The following CHSY3 variants were observed in gnomAD, a reference collection of about 807,000 sequenced individuals.
CHSY3 encodes the protein chondroitin sulfate synthase 3.
Under a neutral mutation model 67.2 loss-of-function variants are expected in CHSY3, and 35 were observed. That is an observed-to-expected ratio of 0.52 (90% CI 0.40 to 0.69). CHSY3 has a LOEUF of 0.69. CHSY3 is among the 30% of genes least tolerant of loss of function. CHSY3 has a pLI of 0.00. For synonymous variants in CHSY3, 474 were observed against 434.7 expected, an observed-to-expected ratio of 1.09 and a Z score of -1.12; for missense variants, 1,069 against 1,138.5, an observed-to-expected ratio of 0.94 and a Z score of 0.88.
chr5:130,078,560 TAGATATTC>T (rs1766344790), intron 2 of CHSY3, among the ~76,000 whole-genome samples: 1 of 152,182 alleles, frequency 6.6e-6, no homozygotes, highest in Non-Finnish European at 1.5e-5. Context: ...ATTTTTTTAT[TAGATATTC>T]AAAACCCTCA....
chr5:130,149,523 A>C (rs983911043), intron 2 of CHSY3, among the ~76,000 whole-genome samples: 2 of 152,208 alleles, frequency 1.3e-5, no homozygotes, highest in Non-Finnish European at 2.9e-5. Flanking sequence ...CAAAGACAGC[A>C]CCAAGCCATA....
chr5:130,163,269 CAT>C (rs1277304241), intron 2 of CHSY3, among the ~76,000 whole-genome samples: 1 of 151,974 alleles, frequency 6.6e-6, no homozygotes, highest in Non-Finnish European at 1.5e-5. Flanking sequence ...TGAAATGAAA[CAT>C]ATTTTATTAA....
At chr5:129,920,613 G>T (rs966469682) in intron 2 of CHSY3, among the ~76,000 whole-genome samples, 3 of 152,138 alleles carry the variant, frequency 2.0e-5, no homozygotes, top group African/African-American at 7.2e-5. Flanking sequence ...GTTACCATCA[G>T]TTGGAACACA....
At chr5:130,167,185 AC>A (rs947156370) in intron 2 of CHSY3, among the ~76,000 whole-genome samples, 1 of 152,012 alleles carries the variant, frequency 6.6e-6, no homozygotes, top group African/African-American at 2.4e-5. Context: ...AGTGATTACT[AC>A]CTGGAGAGTT....
chr5:129,974,578 G>C (rs1412884251), intron 2 of CHSY3, among the ~76,000 whole-genome samples: 1 of 152,074 alleles, frequency 6.6e-6, no homozygotes, highest in East Asian at 1.9e-4. Context: ...GTTCCTCAAG[G>C]CTGTCAAGTG....
chr5:130,159,442 G>A (rs889831124), intron 2 of CHSY3, among the ~76,000 whole-genome samples: 1 of 152,116 alleles, frequency 6.6e-6, no homozygotes. Flanking sequence ...TGGGATTACA[G>A]GCTTGAGCCA....
At chr5:129,923,182 G>C (rs546973822) in intron 2 of CHSY3, among the ~76,000 whole-genome samples, 3 of 151,992 alleles carry the variant, frequency 2.0e-5, no homozygotes, top group African/African-American at 4.8e-5. Context: ...ACTAGTGATT[G>C]ATTAGAGATG....
At chr5:129,973,008 G>A (rs1195322865) in intron 2 of CHSY3, among the ~76,000 whole-genome samples, 1 of 151,922 alleles carries the variant, frequency 6.6e-6, no homozygotes, top group South Asian at 2.1e-4. Context: ...TGAGTTTTAT[G>A]CCTTGTGTTG....
chr5:129,963,599 T>G (rs1246230404), intron 2 of CHSY3, among the ~76,000 whole-genome samples: 1 of 152,042 alleles, frequency 6.6e-6, no homozygotes, highest in African/African-American at 2.4e-5. Flanking sequence ...ATTCAGCAGT[T>G]AAATCGACCT....
At chr5:129,913,266 T>C (rs1247947280) in intron 2 of CHSY3, among the ~76,000 whole-genome samples, 2 of 152,260 alleles carry the variant, frequency 1.3e-5, no homozygotes, top group Non-Finnish European at 2.9e-5. Context: ...CTGGCTTACA[T>C]AGGCATAAAA....
intron 2 of CHSY3, among the ~76,000 whole-genome samples, chr5:129,931,661 T>A (rs1425744711): frequency 6.6e-6 from 1 of 152,196 alleles, no homozygotes; most frequent in Non-Finnish European, 1.5e-5. Flanking sequence ...TGTTAGGGTC[T>A]CATACTTTTT....
intron 2 of CHSY3, among the ~76,000 whole-genome samples, chr5:129,984,449 T>C (rs1397008307): frequency 6.6e-6 from 1 of 152,140 alleles, no homozygotes; most frequent in Non-Finnish European, 1.5e-5. Flanking sequence ...TATAGGTTGA[T>C]TCCACATCTT....
At chr5:130,176,372 G>A (rs542175248) in intron 2 of CHSY3, among the ~76,000 whole-genome samples, 21 of 152,162 alleles carry the variant, frequency 1.4e-4, no homozygotes, top group Non-Finnish European at 2.8e-4. Context: ...GAGAGGATGT[G>A]GAGAAATAAG....
chr5:130,096,514 C>T (rs1375610212), intron 2 of CHSY3, among the ~76,000 whole-genome samples: 1 of 152,100 alleles, frequency 6.6e-6, no homozygotes, highest in Admixed American at 6.5e-5. Flanking sequence ...GATAAATCTT[C>T]CATGGTTATG....
At chr5:129,930,378 T>C (rs1393097800) in intron 2 of CHSY3, among the ~76,000 whole-genome samples, 1 of 149,878 alleles carries the variant, frequency 6.7e-6, no homozygotes, top group African/African-American at 2.5e-5. Context: ...CACATAACCA[T>C]TTTTCTTGAA....
chr5:130,060,166 A>G (rs1285401314), intron 2 of CHSY3, among the ~76,000 whole-genome samples: 3 of 152,198 alleles, frequency 2.0e-5, no homozygotes, highest in Non-Finnish European at 4.4e-5. Flanking sequence ...CAAATCCTTA[A>G]GAAAATACTA....
chr5:130,041,268 C>A (rs1273478094), intron 2 of CHSY3, among the ~76,000 whole-genome samples: 9 of 152,098 alleles, frequency 5.9e-5, no homozygotes, highest in Admixed American at 5.9e-4. Flanking sequence ...GCATCCATTT[C>A]TCCCCAAGCA....
intron 2 of CHSY3, among the ~76,000 whole-genome samples, chr5:130,164,071 G>A (rs1459186256): frequency 6.6e-6 from 1 of 152,294 alleles, no homozygotes; most frequent in South Asian, 2.1e-4. Flanking sequence ...AAGCAGAACT[G>A]CCGTGATTGA....
chr5:130,043,170 A>G (rs1707194864), intron 2 of CHSY3, among the ~76,000 whole-genome samples: 1 of 151,974 alleles, frequency 6.6e-6, no homozygotes, highest in Non-Finnish European at 1.5e-5. Flanking sequence ...CAAGTTAGAG[A>G]TTACTTTTGT....
Sources: gnomAD v4.1 joint callset for allele counts (sites outside exome capture counted in the v4.1 genomes callset) on GRCh38, gnomAD v4.1.1 for gene constraint, MANE v1.5 for transcripts, NCBI Gene and HGNC (gene_info 2026-07-23, HGNC 2026-07-21) for gene names.